The following DLC1 variants were observed in gnomAD, a reference collection of about 807,000 sequenced individuals.
The protein encoded by DLC1 is DLC1 Rho GTPase activating protein.
A neutral mutation model predicts 140.3 loss-of-function variants in DLC1; 54 were observed. That is an observed-to-expected ratio of 0.38 (90% confidence interval 0.31 to 0.48). DLC1 has a LOEUF of 0.48. Ranked by LOEUF, DLC1 falls within the 20% of genes least tolerant of loss-of-function variation. DLC1 has a pLI of 0.96. For synonymous variants in DLC1, 986 were observed against 728.1 expected (o/e 1.35, Z -5.70); for missense variants, 2,536 against 1,907.0 (o/e 1.33, Z -6.14).
At chr8:13,294,336 G>C (rs1831868211) in intron 5 of DLC1, among the ~76,000 whole-genome samples, 1 of 152,222 alleles carries the variant, frequency 6.6e-6, no homozygotes, top group Non-Finnish European at 1.5e-5. Context: ...CTGTTGGAAA[G>C]CATTGCTGAG....
chr8:13,313,463 A>T lies in DLC1; in HGVS notation c.1315-8161T>A, dbSNP rs1033814770. Reference sequence around the variant, plus strand: ...TGATGATTTTTGGCACTTTTCTAGAACTCTCTGAGCTCAGTGAGATAGGGG... The same window carrying T: ...TGATGATTTTTGGCACTTTTCTAGATCTCTCTGAGCTCAGTGAGATAGGGG... On this transcript the variant is annotated intron_variant, in intron 4 of 17. Transcript: ENST00000276297. Among the ~76,000 whole-genome samples, 7 of 152,122 alleles carry T rather than the reference A, an allele frequency of 4.6e-5. No homozygotes were observed. The South Asian group carries it at 1.5e-3, about 32-fold the overall frequency.
chr8:13,395,004 T>TTCTATCTATCTATCTATCTATCTATCTA (rs57872249), intron 3 of DLC1, among the ~76,000 whole-genome samples: 61 of 100,852 alleles, frequency 6.0e-4, no homozygotes, highest in Middle Eastern at 4.6e-3. Context: ...CTACTACATA[T>TTCTATCTATCTATCTATCTATCTATCTA]TCTATCTATC....
At chr8:13,496,539 C>T (rs1255330207) in intron 2 of DLC1, among the ~76,000 whole-genome samples, 1 of 151,308 alleles carries the variant, frequency 6.6e-6, no homozygotes, top group Non-Finnish European at 1.5e-5. Flanking sequence ...TTCAGCCATA[C>T]AGAGAGGTTT....
At chr8:13,147,275 G>A (rs1441330676) in intron 5 of DLC1, among the ~76,000 whole-genome samples, 1 of 152,154 alleles carries the variant, frequency 6.6e-6, no homozygotes, top group Non-Finnish European at 1.5e-5. Context: ...CTACAAAACT[G>A]AAGATGAATG....
At chr8:13,348,118 C>A (rs6530628) in intron 4 of DLC1, among the ~76,000 whole-genome samples, 10,287 of 151,842 alleles carry the variant, frequency 0.068, 872 homozygotes, top group African/African-American at 0.2. Flanking sequence ...AATAAACAAA[C>A]AAACTTCCTG....
At chr8:13,461,066 T>C (rs1038833858) in intron 2 of DLC1, among the ~76,000 whole-genome samples, 3 of 152,120 alleles carry the variant, frequency 2.0e-5, no homozygotes, top group African/African-American at 7.2e-5. Context: ...ATAAATTAGC[T>C]GGGCATGGTG....
intron 4 of DLC1, among the ~76,000 whole-genome samples, chr8:13,347,742 A>T (rs117424590): frequency 6.6e-6 from 1 of 152,282 alleles, no homozygotes; most frequent in East Asian, 1.9e-4. Context: ...TGAATAACTC[A>T]TTTCAACATA....
chr8:13,351,587 A>G (rs948770176), intron 4 of DLC1, among the ~76,000 whole-genome samples: 1 of 152,266 alleles, frequency 6.6e-6, no homozygotes, highest in African/African-American at 2.4e-5. Context: ...ACAAGAACAC[A>G]TAGTGTCCAC....
chr8:13,311,474 C>G (rs1832662394), intron 4 of DLC1, among the ~76,000 whole-genome samples: 1 of 152,166 alleles, frequency 6.6e-6, no homozygotes, highest in Non-Finnish European at 1.5e-5. Flanking sequence ...GAACAAATAT[C>G]TATAACTAAA....
chr8:13,253,279 C>A (rs901430106), intron 5 of DLC1, among the ~76,000 whole-genome samples: 6 of 152,158 alleles, frequency 3.9e-5, no homozygotes, highest in South Asian at 2.1e-4. Context: ...AGAAGCTGTT[C>A]TTGGTAATTT....
Position 13,352,202 on chromosome 8 carries a change from C to T in DLC1, c.1314+41351G>A, listed in dbSNP as rs148189236. On this transcript the variant is annotated intron_variant, in intron 4 of 17. Transcript: ENST00000276297. Reference sequence around the variant, plus strand: ...GGCAGCCACATGGTGCACGTGGATGCGCTTGTTCCGAACACACGCACGGCC... The same window carrying T: ...GGCAGCCACATGGTGCACGTGGATGTGCTTGTTCCGAACACACGCACGGCC... Among the ~76,000 whole-genome samples, 530 of 151,718 alleles carry T rather than the reference C, an allele frequency of 3.5e-3. 4 individuals are homozygous for T. The highest frequency in any genetic ancestry group is 0.017 in the Middle Eastern group (5 of 294).
chr8:13,429,706 G>T (rs1045803557), intron 2 of DLC1, among the ~76,000 whole-genome samples: 1 of 152,120 alleles, frequency 6.6e-6, no homozygotes, highest in African/African-American at 2.4e-5. Context: ...TGCATTTCTT[G>T]TTAGTATCTA....
chr8:13,179,499 T>C (rs938027677), intron 5 of DLC1, among the ~76,000 whole-genome samples: 1 of 152,096 alleles, frequency 6.6e-6, no homozygotes, highest in Admixed American at 6.5e-5. Flanking sequence ...GGCAGACAGA[T>C]TGCTTGAGCT....
intron 2 of DLC1, among the ~76,000 whole-genome samples, chr8:13,487,763 G>T (rs1801038840): frequency 6.6e-6 from 1 of 152,054 alleles, no homozygotes; most frequent in Admixed American, 6.5e-5. Flanking sequence ...AGTAGAGACA[G>T]AGTTTCACCA....
intron 2 of DLC1, among the ~76,000 whole-genome samples, chr8:13,463,809 T>C (rs1453283590): frequency 6.6e-6 from 1 of 152,186 alleles, no homozygotes; most frequent in Non-Finnish European, 1.5e-5. Context: ...CTAGAGAGTT[T>C]CTGTTAGGGA....
intron 1 of DLC1, among the ~76,000 whole-genome samples, chr8:13,571,786 T>A (rs1324538273): frequency 6.6e-6 from 1 of 152,210 alleles, no homozygotes; most frequent in Non-Finnish European, 1.5e-5. Flanking sequence ...AGTGACACAT[T>A]ATTTCTACAG....
At chr8:13,142,405 C>T (rs149108814) in intron 5 of DLC1, among the ~76,000 whole-genome samples, 65 of 152,160 alleles carry the variant, frequency 4.3e-4, no homozygotes, top group African/African-American at 1.4e-3. Flanking sequence ...ATCTTTTAGA[C>T]GGTTAACAAA....
chr8:13,434,861 G>A (rs1839045157), intron 2 of DLC1, among the ~76,000 whole-genome samples: 1 of 152,036 alleles, frequency 6.6e-6, no homozygotes, highest in South Asian at 2.1e-4. Context: ...TGTATTTTCT[G>A]TAGAGATGGT....
intron 5 of DLC1, among the ~76,000 whole-genome samples, chr8:13,242,434 T>C (rs747087405): frequency 1.3e-5 from 2 of 151,916 alleles, no homozygotes; most frequent in Non-Finnish European, 2.9e-5. Flanking sequence ...CTCTCTCTGT[T>C]GCCCAGGCTG....
Sources: allele counts gnomAD v4.1 joint callset (sites outside exome capture counted in the v4.1 genomes callset), GRCh38; gene constraint gnomAD v4.1.1; transcripts MANE v1.5; gene names NCBI Gene and HGNC (gene_info 2026-07-23, HGNC 2026-07-21).